The following PCDH15 variants were observed in gnomAD, a reference collection of about 807,000 sequenced individuals.
The protein encoded by PCDH15 is protocadherin-15.
A neutral mutation model predicts 178.5 loss-of-function variants in PCDH15; 129 were observed. That is an observed-to-expected ratio of 0.72 (90% confidence interval 0.63 to 0.84). The LOEUF (loss-of-function observed/expected upper bound fraction) is 0.84, where lower values mean the gene tolerates loss of function less well. PCDH15 is among the 40% of genes least tolerant of loss of function. PCDH15 has a pLI of 0.00. For synonymous variants in PCDH15, 800 were observed against 732.0 expected, an observed-to-expected ratio of 1.09 and a Z score of -1.50; for missense variants, 2,230 against 2,099.9, an observed-to-expected ratio of 1.06 and a Z score of -1.21.
Position 54,027,392 on chromosome 10 carries a change from T to C in PCDH15, c.2221-4195A>G, listed in dbSNP as rs903261403. 2.5e-4 allele frequency among the ~76,000 whole-genome samples: 38 copies of C among 152,018 alleles called. 1 individual carries two copies. The highest frequency in any genetic ancestry group is 2.1e-3 in the Admixed American group (32 of 15,268). ...AAAGTAATTTACAGATTCAATGCCATCCCCATCAAGCTACCAATGCCTTTC... is the reference window on the plus strand; with the variant it reads ...AAAGTAATTTACAGATTCAATGCCACCCCCATCAAGCTACCAATGCCTTTC... On this transcript the variant is annotated intron_variant, in intron 18 of 37. Transcript: ENST00000644397.
intron 21 of PCDH15, among the ~76,000 whole-genome samples, chr10:53,988,306 A>G (rs531988916): frequency 6.8e-4 from 103 of 152,260 alleles, no homozygotes; most frequent in African/African-American, 2.3e-3. Context: ...TGCCAGCCCC[A>G]TGGTACAGCT....
At chr10:54,963,062 C>T (rs1037198516) in intron 2 of PCDH15, among the ~76,000 whole-genome samples, 1 of 152,160 alleles carries the variant, frequency 6.6e-6, no homozygotes, top group East Asian at 1.9e-4. Context: ...TAAATCTCTA[C>T]GTAGAAGGTT....
chr10:54,607,867 A>G, intron 2 of PCDH15: 3 of 529,312 alleles, frequency 5.7e-6, no homozygotes, highest in Non-Finnish European at 1.2e-5. Flanking sequence ...AGACACTGCT[A>G]ATCAGGCTAT....
intron 25 of PCDH15, among the ~76,000 whole-genome samples, chr10:53,908,062 C>G (rs1219525368): frequency 1.3e-5 from 2 of 152,096 alleles, no homozygotes; most frequent in Non-Finnish European, 2.9e-5. Context: ...TCAAAGAAAG[C>G]CTTACTGAAT....
At chr10:54,516,981 A>C (rs957503008) in intron 3 of PCDH15, among the ~76,000 whole-genome samples, 2 of 152,044 alleles carry the variant, frequency 1.3e-5, no homozygotes, top group Non-Finnish European at 1.5e-5. Context: ...GTGAAGGAGA[A>C]ATAAAATACT....
chr10:54,427,369 C>G lies in PCDH15; in HGVS notation c.158-48427G>C, dbSNP rs1466669771. On this transcript the variant is annotated intron_variant, in intron 3 of 37. Coordinates refer to ENST00000644397, the MANE Select transcript of PCDH15 (RefSeq NM_001384140.1). ...TCTCGGCTCACTGCAACCTCCGCCT[C>G]CTGGGTTCAATTGATTCTCCTGCCT... is the stretch of plus-strand genomic sequence containing the variant. Among the ~76,000 whole-genome samples, 4 of 147,654 alleles carry G rather than the reference C, an allele frequency of 2.7e-5. No homozygotes were observed. The Admixed American group carries it at 2.8e-4, about 10-fold the overall frequency.
intron 26 of PCDH15, among the ~76,000 whole-genome samples, chr10:53,900,229 CT>C (rs1564721611): frequency 2.0e-5 from 3 of 148,470 alleles, no homozygotes; most frequent in Non-Finnish European, 4.5e-5. Flanking sequence ...CTCTCTCTCT[CT>C]CTCCCCCCCT....
At chr10:54,834,727 A>G (rs757513694) in intron 3 of PCDH15, among the ~76,000 whole-genome samples, 1 of 152,174 alleles carries the variant, frequency 6.6e-6, no homozygotes, top group Non-Finnish European at 1.5e-5. Context: ...TATGTGATCC[A>G]TTTAGACAGG....
At chr10:54,877,934 CTCTCTTTTTTTTTTTTTTTT>C (rs1484989365) in intron 3 of PCDH15, among the ~76,000 whole-genome samples, 14 of 28,778 alleles carry the variant, frequency 4.9e-4, no homozygotes, top group African/African-American at 1.8e-3. Context: ...TTCTCTCTCT[CTCTCTTTTTTTTTTTTTTTT>C]TTTTTTTTTT....
chr10:55,564,394 A>T (rs1364131072), intron 2 of PCDH15, among the ~76,000 whole-genome samples: 1 of 151,716 alleles, frequency 6.6e-6, no homozygotes, highest in East Asian at 1.9e-4. Context: ...TAGAATATAC[A>T]TTAAAAAACG....
intron 2 of PCDH15, among the ~76,000 whole-genome samples, chr10:55,537,476 C>T (rs776418803): frequency 5.9e-5 from 9 of 151,972 alleles, no homozygotes; most frequent in Non-Finnish European, 1.3e-4. Context: ...CGCTTTGTTG[C>T]CCAGGCTGGA....
chr10:55,442,723 A>G (rs1839225609), intron 2 of PCDH15, among the ~76,000 whole-genome samples: 1 of 151,776 alleles, frequency 6.6e-6, no homozygotes, highest in Admixed American at 6.6e-5. Context: ...AATGTTAATG[A>G]TAAACTAGAT....
rs1044535818 is a variant in PCDH15 at position 53,886,359 on chromosome 10, T to G, written c.3501+16884A>C. On this transcript the variant is annotated intron_variant, in intron 26 of 37. Transcript: ENST00000644397. ...AATAAAACCTCACATTTGTCCTTAT[T>G]ATGCTTTTGGAAAACGGTTAGACTT... Among the ~76,000 whole-genome samples, 7 of 152,300 alleles carry G rather than the reference T, an allele frequency of 4.6e-5. No homozygotes were observed. The East Asian group carries it at 9.6e-4, about 21-fold the overall frequency.
intron 9 of PCDH15, among the ~76,000 whole-genome samples, chr10:54,232,924 CTTTT>C (rs762364718): frequency 1.2e-4 from 13 of 109,222 alleles, no homozygotes; most frequent in Non-Finnish European, 2.1e-4. Flanking sequence ...AGCTTTCTTT[CTTTT>C]TTTTTTTTTT....
chr10:55,481,186 C>G (rs988961808), intron 2 of PCDH15, among the ~76,000 whole-genome samples: 3 of 151,408 alleles, frequency 2.0e-5, no homozygotes, highest in Non-Finnish European at 4.4e-5. Context: ...GGTAATATCC[C>G]CCTTATCATT....
chr10:54,034,019 GA>G (rs200699814), intron 18 of PCDH15, among the ~76,000 whole-genome samples: 1 of 151,168 alleles, frequency 6.6e-6, no homozygotes, highest in African/African-American at 2.4e-5. Flanking sequence ...ATCATTTCTA[GA>G]AAAAAAATTC....
intron 2 of PCDH15, among the ~76,000 whole-genome samples, chr10:55,365,326 T>C (rs1355427501): frequency 1.3e-5 from 2 of 152,182 alleles, no homozygotes; most frequent in Admixed American, 6.5e-5. Flanking sequence ...AACAAGACCC[T>C]GTGGTTTCTA....
At chr10:54,327,724 C>T (rs965267) in intron 7 of PCDH15, among the ~76,000 whole-genome samples, 105,828 of 151,440 alleles carry the variant, frequency 0.7, 37,669 homozygotes, top group Middle Eastern at 0.81. Flanking sequence ...CTTTTAGCAT[C>T]CCCTGCTATC....
At chr10:54,038,270 C>T (rs1228493581) in intron 18 of PCDH15, among the ~76,000 whole-genome samples, 1 of 151,876 alleles carries the variant, frequency 6.6e-6, no homozygotes, top group Non-Finnish European at 1.5e-5. Context: ...GAGCCTCTCA[C>T]TTTGATTCTT....
Sources: allele counts gnomAD v4.1 joint callset (sites outside exome capture counted in the v4.1 genomes callset), GRCh38; gene constraint gnomAD v4.1.1; transcripts MANE v1.5; gene names NCBI Gene and HGNC (gene_info 2026-07-23, HGNC 2026-07-21).